Variants in FAM168A observed in about 807,000 individuals in gnomAD.
The protein encoded by FAM168A is family with sequence similarity 168 member A.
Under a neutral mutation model 28.5 loss-of-function variants are expected in FAM168A, and 3 were observed. The ratio of observed to expected loss-of-function variants is 0.11; its 90% CI spans 0.05 to 0.27. The LOEUF is 0.27. Among genes scored for constraint, FAM168A ranks in the 10% least tolerant of loss-of-function variants. FAM168A has a pLI of 1.00. For synonymous variants in FAM168A, 122 were observed against 124.2 expected, an observed-to-expected ratio of 0.98 and a Z score of 0.12; for missense variants, 222 against 311.5, an observed-to-expected ratio of 0.71 and a Z score of 2.16.
chr11:73,486,565 C>T (rs867077608), intron 1 of FAM168A, among the ~76,000 whole-genome samples: 1 of 152,128 alleles, frequency 6.6e-6, no homozygotes, highest in African/African-American at 2.4e-5. Context: ...CTTCCCATTT[C>T]GGATAAAGAT....
chr11:73,483,856 C>T (rs1443163920), intron 1 of FAM168A, among the ~76,000 whole-genome samples: 1 of 152,086 alleles, frequency 6.6e-6, no homozygotes, highest in Non-Finnish European at 1.5e-5. Context: ...TACCCACCAA[C>T]CATTATTTTT....
At chr11:73,558,410 G>A (rs375855805) in intron 1 of FAM168A, among the ~76,000 whole-genome samples, 19 of 149,830 alleles carry the variant, frequency 1.3e-4, no homozygotes, top group African/African-American at 3.2e-4. Context: ...TCAAGGCTGC[G>A]GTGAACTATG....
intron 1 of FAM168A, among the ~76,000 whole-genome samples, chr11:73,511,409 TA>T (rs1855224129): frequency 6.6e-6 from 1 of 151,946 alleles, no homozygotes; most frequent in African/African-American, 2.4e-5. Flanking sequence ...GCTAATTTTT[TA>T]TATTTTCAGT....
In FAM168A at chr11:73,466,427, G is replaced by C. The variant is rs117885694; in HGVS notation, c.70+1978C>G. Among the ~76,000 whole-genome samples, 1,341 of 152,236 alleles carry C rather than the reference G, an allele frequency of 8.8e-3. 12 individuals carry two copies. The highest frequency in any genetic ancestry group is 0.014 in the Non-Finnish European group (964 of 68,016). On this transcript the variant is annotated intron_variant, in intron 2 of 7. Transcript: ENST00000356467. Reference sequence around the variant, plus strand: ...CTTAGAAGCTATATACATTAGTCAAGTCACATGACCTGAATTAAACTACCA... The same window carrying C: ...CTTAGAAGCTATATACATTAGTCAACTCACATGACCTGAATTAAACTACCA...
intron 1 of FAM168A, among the ~76,000 whole-genome samples, chr11:73,497,416 T>A (rs1854913268): frequency 6.6e-6 from 1 of 150,728 alleles, no homozygotes; most frequent in African/African-American, 2.4e-5. Context: ...ACCACTGCAC[T>A]CCAGCCTGGC....
intron 1 of FAM168A, among the ~76,000 whole-genome samples, chr11:73,525,012 T>C (rs1202924529): frequency 7.1e-6 from 1 of 140,924 alleles, no homozygotes; most frequent in Non-Finnish European, 1.5e-5. Flanking sequence ...TTGATCTGAG[T>C]TTTTTGCAAT....
At chr11:73,492,115 A>G (rs187926892) in intron 1 of FAM168A, among the ~76,000 whole-genome samples, 9 of 152,332 alleles carry the variant, frequency 5.9e-5, no homozygotes, top group African/African-American at 2.2e-4. Flanking sequence ...GGAGAGAAGC[A>G]ACTTGCCCAG....
intron 1 of FAM168A, among the ~76,000 whole-genome samples, chr11:73,553,049 T>C (rs931566443): frequency 1.4e-4 from 22 of 152,176 alleles, no homozygotes; most frequent in Non-Finnish European, 2.6e-4. Flanking sequence ...TTCAATAATA[T>C]ATTGTTTTAT....
intron 2 of FAM168A, among the ~76,000 whole-genome samples, chr11:73,455,058 T>A (rs546408983): frequency 6.6e-6 from 1 of 152,226 alleles, no homozygotes; most frequent in Non-Finnish European, 1.5e-5. Context: ...TGTTAACACT[T>A]AAGCTGTTCA....
At chr11:73,519,581 A>G (rs78229183) in intron 1 of FAM168A, among the ~76,000 whole-genome samples, 3 of 152,142 alleles carry the variant, frequency 2.0e-5, no homozygotes, top group Non-Finnish European at 4.4e-5. Context: ...GGCAGTGACA[A>G]TTAAACAAGC....
chr11:73,430,569 C>T, intron 3 of FAM168A, 121 bp downstream of exon 3: 1 of 903,750 alleles, frequency 1.1e-6, no homozygotes, highest in Non-Finnish European at 1.8e-6. Flanking sequence ...GAAAATCCAG[C>T]CTGGAGAGGC....
chr11:73,536,193 C>T (rs144227847), intron 1 of FAM168A, among the ~76,000 whole-genome samples: 30 of 152,200 alleles, frequency 2.0e-4, no homozygotes, highest in Non-Finnish European at 3.7e-4. Flanking sequence ...CTTTTAACAA[C>T]GAACAGACAA....
intron 1 of FAM168A, among the ~76,000 whole-genome samples, chr11:73,552,773 A>G (rs1943844321): frequency 6.6e-6 from 1 of 152,206 alleles, no homozygotes; most frequent in Admixed American, 6.5e-5. Flanking sequence ...CCTGGCCAAC[A>G]TGGCAAAACC....
At chr11:73,498,688 G>C (rs1185012175) in intron 1 of FAM168A, among the ~76,000 whole-genome samples, 2 of 152,160 alleles carry the variant, frequency 1.3e-5, no homozygotes. Flanking sequence ...CTGGAGCCCG[G>C]GAGGCTGAAT....
chr11:73,578,575 G>A (rs1944204003), intron 1 of FAM168A, among the ~76,000 whole-genome samples: 3 of 152,146 alleles, frequency 2.0e-5, no homozygotes, highest in African/African-American at 7.2e-5. Flanking sequence ...TGATCACAGG[G>A]AGGCCAGGCC....
chr11:73,430,319 GGTGT>G (rs1866965501), intron 3 of FAM168A: 2 of 272,594 alleles, frequency 7.3e-6, no homozygotes, highest in South Asian at 6.6e-5. Context: ...GGGGTGTGTG[GGTGT>G]GTGTGTGTCC....
In FAM168A at chr11:73,400,900, G is replaced by A. The variant is rs960985712; in HGVS notation, c.*5863C>T. On this transcript the variant is annotated 3_prime_UTR_variant, in exon 8 of 8. Transcript: ENST00000356467. ...GCTTCAATCTTTCAGAGTGATCACT[G>A]TCTGATCTTCAAAACAAAACAAAAA... 8 of 143,128 alleles carry A rather than the reference G, an allele frequency of 5.6e-5. No individual in the cohort carries two copies. The highest frequency in any genetic ancestry group is 2.4e-4 in the African/African-American group (8 of 33,026). 8.9% of individuals were successfully genotyped at this position (143,128 alleles called of 1,614,324 possible).
At chr11:73,503,589 A>T (rs2134627521) in intron 1 of FAM168A, among the ~76,000 whole-genome samples, 1 of 152,372 alleles carries the variant, frequency 6.6e-6, no homozygotes, top group East Asian at 1.9e-4. Context: ...AATAATTTAT[A>T]GATTCAATGC....
intron 2 of FAM168A, among the ~76,000 whole-genome samples, chr11:73,435,642 T>C (rs1250165409): frequency 6.6e-6 from 1 of 152,186 alleles, no homozygotes; most frequent in Non-Finnish European, 1.5e-5. Flanking sequence ...CCAGGAGTTT[T>C]ATAACTGTTA....
Sources: allele counts gnomAD v4.1 joint callset (sites outside exome capture counted in the v4.1 genomes callset), GRCh38; gene constraint gnomAD v4.1.1; transcripts MANE v1.5; gene names NCBI Gene and HGNC (gene_info 2026-07-23, HGNC 2026-07-21).